The following MYMX variants were observed in gnomAD, a reference collection of about 807,000 sequenced individuals.
MYMX encodes protein myomixer.
chr6:44,205,173 G>A, the MYMX span, among the ~76,000 whole-genome samples: 1 of 152,044 alleles, frequency 6.6e-6, no homozygotes, highest in African/African-American at 2.4e-5. Flanking sequence ...AACAGCCCCA[G>A]GTTGATCAAA....
At chr6:44,210,799 G>A in the MYMX span, among the ~76,000 whole-genome samples, 3 of 152,170 alleles carry the variant, frequency 2.0e-5, no homozygotes, top group Admixed American at 6.5e-5. Context: ...AGAGATAGTT[G>A]GGTCTGTTAG....
the MYMX span, among the ~76,000 whole-genome samples, chr6:44,211,383 G>C: frequency 6.6e-6 from 1 of 152,172 alleles, no homozygotes; most frequent in East Asian, 1.9e-4. Context: ...AGAATTTTTG[G>C]GGGGTAAAGG....
At chr6:44,197,528 G>A in the MYMX span, among the ~76,000 whole-genome samples, 4 of 152,096 alleles carry the variant, frequency 2.6e-5, no homozygotes, top group East Asian at 7.7e-4. Flanking sequence ...GTGAGACTCC[G>A]TCTCAAAAAA....
chr6:44,213,811 A>C (rs1775727944), upstream of MYMX, among the ~76,000 whole-genome samples: 1 of 151,220 alleles, frequency 6.6e-6, no homozygotes, highest in African/African-American at 2.4e-5. Flanking sequence ...ATTCTAAATA[A>C]ATTTTTATTT....
chr6:44,199,812 T>C, the MYMX span, among the ~76,000 whole-genome samples: 1 of 152,016 alleles, frequency 6.6e-6, no homozygotes, highest in Non-Finnish European at 1.5e-5. Context: ...GCCTCCCAAG[T>C]AGCTGAGACT....
At chr6:44,205,496 C>CAAAT in the MYMX span, among the ~76,000 whole-genome samples, 5,211 of 151,382 alleles carry the variant, frequency 0.034, 302 homozygotes, top group African/African-American at 0.12. Context: ...CTATCTCTAC[C>CAAAT]AAATAAATAA....
upstream of MYMX, among the ~76,000 whole-genome samples, chr6:44,213,700 G>A (rs747462168): frequency 2.6e-4 from 39 of 152,200 alleles, no homozygotes; most frequent in Middle Eastern, 3.2e-3. Flanking sequence ...GATTACAGGC[G>A]TGAGCCACTG....
the MYMX span, among the ~76,000 whole-genome samples, chr6:44,196,331 A>G: frequency 1.3e-5 from 2 of 152,174 alleles, no homozygotes; most frequent in African/African-American, 4.8e-5. Flanking sequence ...TAAACATGCA[A>G]TTCCAGGTTT....
upstream of MYMX, among the ~76,000 whole-genome samples, chr6:44,216,309 G>C (rs746332048): frequency 2.6e-5 from 4 of 152,208 alleles, no homozygotes; most frequent in Admixed American, 6.5e-5. Context: ...ACAGCGGAGA[G>C]GACTGGAGCC....
the MYMX span, among the ~76,000 whole-genome samples, chr6:44,200,409 G>C: frequency 6.6e-6 from 1 of 151,964 alleles, no homozygotes; most frequent in East Asian, 1.9e-4. Flanking sequence ...CTACCTCCCG[G>C]GTTCAAGCAA....
chr6:44,211,640 C>T, the MYMX span, among the ~76,000 whole-genome samples: 12 of 142,952 alleles, frequency 8.4e-5, no homozygotes, highest in African/African-American at 2.4e-4. Flanking sequence ...TTTTTGGACA[C>T]GAAGTCTCAC....
chr6:44,197,246 A>C, the MYMX span, among the ~76,000 whole-genome samples: 1 of 151,456 alleles, frequency 6.6e-6, no homozygotes, highest in Admixed American at 6.6e-5. Context: ...AAAAACAAAC[A>C]AACAGGCTGG....
At chr6:44,195,405 G>C in the MYMX span, among the ~76,000 whole-genome samples, 9 of 152,194 alleles carry the variant, frequency 5.9e-5, no homozygotes, top group South Asian at 1.5e-3. Context: ...ATCTCTGCCC[G>C]TTCTCCCTGA....
At chr6:44,197,293 G>A in the MYMX span, among the ~76,000 whole-genome samples, 1 of 152,072 alleles carries the variant, frequency 6.6e-6, no homozygotes, top group African/African-American at 2.4e-5. Context: ...AGCACTTTGG[G>A]AGGCGGAGGC....
the MYMX span, among the ~76,000 whole-genome samples, chr6:44,198,249 G>A: frequency 2.4e-4 from 29 of 121,356 alleles, no homozygotes; most frequent in Admixed American, 2.9e-3. Flanking sequence ...TGCAACCTCC[G>A]CCTCCTGGGT....
At chr6:44,202,180 C>T in the MYMX span, among the ~76,000 whole-genome samples, 1 of 152,206 alleles carries the variant, frequency 6.6e-6, no homozygotes, top group Non-Finnish European at 1.5e-5. Context: ...CTGTCTGTCA[C>T]TCTGGTGGCT....
upstream of MYMX, among the ~76,000 whole-genome samples, chr6:44,215,083 C>A: frequency 6.6e-6 from 1 of 152,252 alleles, no homozygotes; most frequent in East Asian, 1.9e-4. Context: ...GCCTTTTTGA[C>A]CTGGTAAGTT....
chr6:44,216,175 G>A (rs924092142), upstream of MYMX, among the ~76,000 whole-genome samples: 4 of 152,232 alleles, frequency 2.6e-5, no homozygotes, highest in Non-Finnish European at 1.5e-5. Context: ...CAGCCACTGA[G>A]CATGCCTGGT....
chr6:44,211,788 TTG>T, the MYMX span, among the ~76,000 whole-genome samples: 715 of 126,388 alleles, frequency 5.7e-3, 7 homozygotes, highest in Middle Eastern at 0.02. Context: ...CAGCTAGGTT[TTG>T]TGTGTGTGTG....
Sources: gnomAD v4.1 joint callset for allele counts (sites outside exome capture counted in the v4.1 genomes callset) on GRCh38, gnomAD v4.1.1 for gene constraint, MANE v1.5 for transcripts, NCBI Gene and HGNC (gene_info 2026-07-23, HGNC 2026-07-21) for gene names.